UGT3A1: variants seen among roughly 807,000 people sequenced by gnomAD.
The protein encoded by UGT3A1 is UDP-glycosyltransferase 3A1.
Under a neutral mutation model 37.6 loss-of-function variants are expected in UGT3A1, and 40 were observed. The ratio of observed to expected loss-of-function variants is 1.06; its 90% confidence interval spans 0.83 to 1.38. UGT3A1 has a LOEUF of 1.38. UGT3A1 is among the 40% of genes most tolerant of loss of function. The pLI, the probability that UGT3A1 is intolerant of heterozygous loss-of-function variation, is 0.00. For missense variants in UGT3A1, 642 were observed against 634.2 expected, an observed-to-expected ratio of 1.01 and a Z score of -0.13; for synonymous variants, 256 against 232.3, an observed-to-expected ratio of 1.10 and a Z score of -0.93.
Position 35,968,145 on chromosome 5 carries a change from C to T in UGT3A1, c.197-12G>A, listed in dbSNP as rs777846903. The stretch of plus-strand genomic sequence containing the variant: ...CTCCTCTTTAATATCTAAGAAAACA[C>T]CAATTGGTTAAAAAGGTAAATATAT... On this transcript the variant is annotated splice_polypyrimidine_tract_variant and intron_variant, in intron 2 of 6. Coordinates refer to ENST00000274278, the MANE Select transcript of UGT3A1 (RefSeq NM_152404.4). 9.7e-6 allele frequency: 15 copies of T among 1,539,706 alleles called. No homozygotes were observed. In the Admixed American group the frequency reaches 2.4e-4, roughly 25 times the overall value.
At chr5:35,969,261 G>T (rs980270702) in intron 2 of UGT3A1, among the ~76,000 whole-genome samples, 12 of 152,134 alleles carry the variant, frequency 7.9e-5, no homozygotes, top group African/African-American at 2.9e-4. Flanking sequence ...TGCTACTATT[G>T]CTGATTATAT....
intron 2 of UGT3A1, among the ~76,000 whole-genome samples, chr5:35,970,511 A>T (rs1189536733): frequency 6.6e-6 from 1 of 152,130 alleles, no homozygotes; most frequent in Admixed American, 6.5e-5. Flanking sequence ...AACACGTGGG[A>T]ATTCGAGATA....
In UGT3A1 at chr5:35,956,743, T is replaced by C. The variant is rs139333044; in HGVS notation, c.1075+445A>G. 3.9e-4 allele frequency among the ~76,000 whole-genome samples: 59 copies of C among 152,300 alleles called. No homozygotes were observed. In the Middle Eastern group the frequency reaches 0.01, roughly 26 times the overall value. ...CATCCTTAGTAGATAAAAAGATGTA[T>C]TTATATAGGTATACGTGTGTTTGTG... is the stretch of plus-strand genomic sequence containing the variant. On this transcript the variant is annotated intron_variant, in intron 5 of 6. Coordinates refer to ENST00000274278, the MANE Select transcript of UGT3A1 (RefSeq NM_152404.4).
chr5:35,955,525 C>CA, intron 6 of UGT3A1, 120 bp downstream of exon 6: 2 of 1,156,282 alleles, frequency 1.7e-6, no homozygotes, highest in Non-Finnish European at 1.2e-6. Flanking sequence ...TAGCATCACA[C>CA]ACATGTTATT....
At chr5:35,968,730 GC>G in intron 2 of UGT3A1, among the ~76,000 whole-genome samples, 1 of 151,886 alleles carries the variant, frequency 6.6e-6, no homozygotes, top group Middle Eastern at 3.4e-3. Flanking sequence ...CTCCTTTCCA[GC>G]CCCAGCTCCT....
Position 35,975,701 on chromosome 5 carries a change from AT to A in UGT3A1, c.197-7569del, listed in dbSNP as rs1275960636. Among the ~76,000 whole-genome samples, 4 of 150,716 alleles carry A rather than the reference AT, an allele frequency of 2.7e-5. No individual in the cohort carries two copies. The East Asian group carries it at 5.8e-4, about 22-fold the overall frequency. On this transcript the variant is annotated intron_variant, in intron 2 of 6. Transcript: ENST00000274278. ...TTTTTTTCATTTTATTTACTTATTT[AT>A]TTTTTTATTATACTTTAAGTTTTAG...
intron 3 of UGT3A1, among the ~76,000 whole-genome samples, chr5:35,966,658 G>T (rs1580930189): frequency 1.3e-5 from 2 of 152,132 alleles, no homozygotes; most frequent in South Asian, 4.1e-4. Context: ...CATGGAAAAT[G>T]ATCCTGTTTG....
chr5:35,964,402 G>T (rs967170642), intron 4 of UGT3A1, among the ~76,000 whole-genome samples: 1 of 151,894 alleles, frequency 6.6e-6, no homozygotes, highest in Non-Finnish European at 1.5e-5. Context: ...TAGGTCCCCC[G>T]CTCCCTGACC....
chr5:35,962,728 T>C, intron 4 of UGT3A1: 1 of 597,070 alleles, frequency 1.7e-6, no homozygotes, highest in Non-Finnish European at 3.0e-6. Flanking sequence ...GGTTCCTTCC[T>C]GAGACCAAGC....
chr5:35,982,586 T>G (rs1473356916), intron 2 of UGT3A1, among the ~76,000 whole-genome samples: 1 of 152,222 alleles, frequency 6.6e-6, no homozygotes, highest in African/African-American at 2.4e-5. Flanking sequence ...TGGAAGTAAC[T>G]GAATTGTTTT....
At chr5:35,993,864 G>T (rs1187515165), upstream of UGT3A1, among the ~76,000 whole-genome samples, 1 of 151,994 alleles carries the variant, frequency 6.6e-6, no homozygotes, top group Non-Finnish European at 1.5e-5. Flanking sequence ...ATCTTCCAAA[G>T]TTTTTCAGGG....
chr5:35,987,030 G>A (rs1740754992), intron 2 of UGT3A1, among the ~76,000 whole-genome samples: 1 of 152,012 alleles, frequency 6.6e-6, no homozygotes, highest in Non-Finnish European at 1.5e-5. Context: ...TCTCCTTTAG[G>A]CTGCTATCCT....
At position 35,981,649 on chromosome 5, in the gene UGT3A1, C is replaced by G. The variant is rs57139586; in HGVS notation, c.196+6801G>C. Among the ~76,000 whole-genome samples, 457 of 152,280 alleles carry G rather than the reference C, an allele frequency of 3.0e-3. 4 individuals are homozygous for G. The highest frequency in any genetic ancestry group is 9.5e-3 in the African/African-American group (396 of 41,560). ...GCATAAGAAAAGAGAACTTATATTT[C>G]ACTGGGAAATATAGCATAAACATTT... is the stretch of plus-strand genomic sequence containing the variant. On this transcript the variant is annotated intron_variant, in intron 2 of 6. Coordinates refer to ENST00000274278, the MANE Select transcript of UGT3A1 (RefSeq NM_152404.4).
upstream of UGT3A1, among the ~76,000 whole-genome samples, chr5:35,992,751 G>C (rs1307419745): frequency 6.6e-6 from 1 of 151,992 alleles, no homozygotes; most frequent in African/African-American, 2.4e-5. Flanking sequence ...AGGAGTATGA[G>C]AGAAAAATGA....
chr5:35,959,102 C>G (rs1464866788), intron 4 of UGT3A1, among the ~76,000 whole-genome samples: 1 of 152,150 alleles, frequency 6.6e-6, no homozygotes, highest in Non-Finnish European at 1.5e-5. Flanking sequence ...AACAGTTGAG[C>G]ATACAGAGGG....
Position 35,997,480 on chromosome 5 carries a change from T to C in UGT3A1, c.-159-151A>G, listed in dbSNP as rs989507624. Among the ~76,000 whole-genome samples the C allele has an allele frequency of 2.0e-5, 3 of 151,518 alleles. No individual in the cohort carries two copies. In the South Asian group the frequency reaches 6.3e-4, roughly 32 times the overall value. ...TCTCACTCTGTCACCCAAGCTGGAG[T>C]GCAATGGTGGATCTCGCCTCACTGC... On this transcript the variant is annotated intron_variant, in intron 1 of 5. Coordinates refer to the UGT3A1 transcript ENST00000625798.
chr5:35,952,377 G>A lies in UGT3A1; in HGVS notation c.*1825C>T, dbSNP rs1273659750. ...AATGGGAACAAAGATTTTAAACAGT[G>A]AGGGATAACACCAGATTTCTAGGTT... On this transcript the variant is annotated 3_prime_UTR_variant, in exon 7 of 7. Transcript: ENST00000274278. 1 of 152,224 alleles carries A rather than the reference G, an allele frequency of 6.6e-6. No individual in the cohort carries two copies. Among genetic ancestry groups the A allele is most frequent in the East Asian group, 1.9e-4 (1 of 5,194 alleles). 9.4% of individuals were successfully genotyped at this position (152,224 alleles called of 1,614,324 possible).
At chr5:35,975,811 A>T (rs764432759) in intron 2 of UGT3A1, among the ~76,000 whole-genome samples, 6 of 152,200 alleles carry the variant, frequency 3.9e-5, no homozygotes, top group Non-Finnish European at 5.9e-5. Flanking sequence ...CGTCATTTAC[A>T]TTAGGTATAT....
chr5:35,957,022 C>T (rs1402927362), intron 5 of UGT3A1, among the ~76,000 whole-genome samples, 166 bp downstream of exon 5: 1 of 152,126 alleles, frequency 6.6e-6, no homozygotes, highest in South Asian at 2.1e-4. Flanking sequence ...AGCCTGATTC[C>T]CAAAGAATTC....
Sources: gnomAD v4.1 joint callset for allele counts (sites outside exome capture counted in the v4.1 genomes callset) on GRCh38, gnomAD v4.1.1 for gene constraint, MANE v1.5 for transcripts, NCBI Gene and HGNC (gene_info 2026-07-23, HGNC 2026-07-21) for gene names.